TMEM267: variants seen among roughly 807,000 people sequenced by gnomAD.
TMEM267 encodes transmembrane protein 267.
Under a neutral mutation model 19.3 loss-of-function variants are expected in TMEM267, and 20 were observed. That is an observed-to-expected ratio of 1.04 (90% CI 0.73 to 1.51). TMEM267 has a LOEUF of 1.51. TMEM267 is among the 40% of genes most tolerant of loss of function. TMEM267 has a pLI of 0.00. For synonymous variants in TMEM267, 88 were observed against 90.3 expected (o/e 0.97, Z 0.15); for missense variants, 242 against 261.9 (o/e 0.92, Z 0.52).
At chr5:43,449,666 G>C (rs1021930172) in intron 2 of TMEM267, among the ~76,000 whole-genome samples, 2 of 152,196 alleles carry the variant, frequency 1.3e-5, no homozygotes, top group African/African-American at 4.8e-5. Flanking sequence ...CCCAACAAAA[G>C]CACTTTTATG....
chr5:43,470,706 C>T (rs187130665), intron 1 of TMEM267, among the ~76,000 whole-genome samples: 29 of 152,290 alleles, frequency 1.9e-4, no homozygotes, highest in Non-Finnish European at 2.8e-4. Context: ...CCATTGTCAT[C>T]ACTGTTTTTC....
At chr5:43,466,959 G>C (rs1198026433) in intron 1 of TMEM267, among the ~76,000 whole-genome samples, 2 of 151,914 alleles carry the variant, frequency 1.3e-5, no homozygotes, top group Non-Finnish European at 2.9e-5. Flanking sequence ...GAGTAGCCTA[G>C]CCAACATGAT....
At chr5:43,462,332 C>T (rs1308081960) in intron 1 of TMEM267, among the ~76,000 whole-genome samples, 2 of 152,136 alleles carry the variant, frequency 1.3e-5, no homozygotes, top group East Asian at 1.9e-4. Flanking sequence ...TAAGCCCCGA[C>T]AATGAAGCCT....
chr5:43,463,983 G>C lies in TMEM267; in HGVS notation c.-74-9940C>G, dbSNP rs539714778. Among the ~76,000 whole-genome samples the C allele has an allele frequency of 9.6e-3, 1,458 of 152,178 alleles. 11 individuals carry two copies. The highest frequency in any genetic ancestry group is 0.051 in the Middle Eastern group (15 of 294). On this transcript the variant is annotated intron_variant, in intron 1 of 2. Coordinates refer to ENST00000397080, the MANE Select transcript of TMEM267 (RefSeq NM_022483.5). ...AATTAGGCAGGAGAAGGAAATAAAG[G>C]GTATTCAATTAGGAAAAGAGGAAGT...
At chr5:43,455,923 C>T (rs74428702) in intron 1 of TMEM267, among the ~76,000 whole-genome samples, 2,597 of 151,750 alleles carry the variant, frequency 0.017, 89 homozygotes, top group African/African-American at 0.06. Flanking sequence ...ACACCCTTTA[C>T]CTCCCACGTT....
intron 1 of TMEM267, among the ~76,000 whole-genome samples, chr5:43,470,558 C>A (rs115252650): frequency 6.6e-6 from 1 of 152,168 alleles, no homozygotes; most frequent in Non-Finnish European, 1.5e-5. Context: ...GGCTGTGTCA[C>A]GGGCACATCC....
chr5:43,473,260 A>G (rs1744198269), intron 1 of TMEM267, among the ~76,000 whole-genome samples: 1 of 152,178 alleles, frequency 6.6e-6, no homozygotes, highest in African/African-American at 2.4e-5. Flanking sequence ...GGCCAGGGCA[A>G]TCAGGCAAGA....
intron 1 of TMEM267, among the ~76,000 whole-genome samples, chr5:43,457,644 C>G (rs1743029039): frequency 6.6e-6 from 1 of 152,184 alleles, no homozygotes; most frequent in African/African-American, 2.4e-5. Flanking sequence ...TCCCACCAGG[C>G]TCCTCCTCCA....
chr5:43,471,000 G>GT (rs1447242242), intron 1 of TMEM267, among the ~76,000 whole-genome samples: 1 of 151,886 alleles, frequency 6.6e-6, no homozygotes, highest in South Asian at 2.1e-4. Flanking sequence ...CACAAGGTTG[G>GT]TTTTTTTAAA....
intron 1 of TMEM267, among the ~76,000 whole-genome samples, chr5:43,474,759 CAAAA>C (rs1175355175): frequency 3.5e-5 from 2 of 57,438 alleles, no homozygotes; most frequent in Non-Finnish European, 7.4e-5. Context: ...AACTCTGTCT[CAAAA>C]AAAAAAAAAA....
chr5:43,476,877 T>A (rs886881096), intron 1 of TMEM267, among the ~76,000 whole-genome samples: 1 of 150,106 alleles, frequency 6.7e-6, no homozygotes, highest in Non-Finnish European at 1.5e-5. Context: ...CAGTTTTGTA[T>A]AAGTAAAAAA....
At chr5:43,469,090 A>G (rs1462262054) in intron 1 of TMEM267, among the ~76,000 whole-genome samples, 6 of 152,254 alleles carry the variant, frequency 3.9e-5, no homozygotes, top group Admixed American at 3.9e-4. Context: ...AGGTAAGTTT[A>G]CAGCTATAAA....
intron 1 of TMEM267, among the ~76,000 whole-genome samples, chr5:43,475,187 C>T (rs1744337272): frequency 6.6e-6 from 1 of 152,154 alleles, no homozygotes; most frequent in African/African-American, 2.4e-5. Context: ...GAATACTATG[C>T]AACCATAAAA....
intron 1 of TMEM267, among the ~76,000 whole-genome samples, chr5:43,462,909 G>C (rs1400543571): frequency 6.6e-6 from 1 of 152,112 alleles, no homozygotes; most frequent in African/African-American, 2.4e-5. Flanking sequence ...ACATTCAAAA[G>C]CTAGCAGAAG....
intron 1 of TMEM267, among the ~76,000 whole-genome samples, chr5:43,459,581 G>T (rs976240726): frequency 3.9e-5 from 6 of 152,224 alleles, no homozygotes; most frequent in Admixed American, 3.9e-4. Flanking sequence ...AATATTAACT[G>T]CAAACACAGA....
At chr5:43,446,979 G>A (rs748272592) in intron 2 of TMEM267, among the ~76,000 whole-genome samples, 2 of 151,650 alleles carry the variant, frequency 1.3e-5, no homozygotes, top group African/African-American at 2.4e-5. Flanking sequence ...AAATATTTTT[G>A]TTATATCCAT....
chr5:43,480,407 A>G (rs1414710198), intron 1 of TMEM267, among the ~76,000 whole-genome samples: 1 of 151,988 alleles, frequency 6.6e-6, no homozygotes, highest in Non-Finnish European at 1.5e-5. Flanking sequence ...TCTAACTCCT[A>G]GGCTCAAGCA....
Position 43,453,707 on chromosome 5 carries a change from G to A in TMEM267, c.263C>T (p.Ser88Phe), listed in dbSNP as rs1406749335. ...GEIILAGFLASVIDVDHFFLA... is the reference protein window; with the variant it reads ...GEIILAGFLAFVIDVDHFFLA... ...AAAAAAGTGGTCTACATCAATAACA[G>A]AGGCTAAAAATCCAGCTAAAATGAT... Residue 88 changes from serine to phenylalanine, a missense_variant, in exon 2 of 3, where the codon TCT becomes TTT. Physicochemically the swap from Ser to Phe is radical, Grantham distance 155. Transcript: ENST00000397080. The A allele has an allele frequency of 1.2e-6, 2 of 1,613,968 alleles. No individual in the cohort carries two copies.
intron 1 of TMEM267, among the ~76,000 whole-genome samples, chr5:43,461,960 G>A (rs1743293801): frequency 6.6e-6 from 1 of 152,198 alleles, no homozygotes; most frequent in Non-Finnish European, 1.5e-5. Context: ...TAGCCAGGAA[G>A]TGAATATAGC....
Sources: allele counts gnomAD v4.1 joint callset (sites outside exome capture counted in the v4.1 genomes callset), GRCh38; gene constraint gnomAD v4.1.1; transcripts MANE v1.5; gene names NCBI Gene and HGNC (gene_info 2026-07-23, HGNC 2026-07-21).